NDUFAF2: variants seen among roughly 807,000 people sequenced by gnomAD.
NDUFAF2 encodes NADH:ubiquinone oxidoreductase complex assembly factor 2.
A neutral mutation model predicts 22.8 loss-of-function variants in NDUFAF2; 13 were observed. The ratio of observed to expected loss-of-function variants is 0.57; its 90% CI spans 0.37 to 0.91. NDUFAF2 has a LOEUF of 0.91. NDUFAF2 is among the 40% of genes least tolerant of loss of function. NDUFAF2 has a pLI of 0.01. For missense variants in NDUFAF2, 162 were observed against 195.2 expected (o/e 0.83, Z 1.01); for synonymous variants, 53 against 64.2 (o/e 0.83, Z 0.84).
chr5:61,032,000 T>C (rs1013215404), intron 1 of NDUFAF2, among the ~76,000 whole-genome samples: 3 of 152,200 alleles, frequency 2.0e-5, no homozygotes, highest in Admixed American at 1.3e-4. Flanking sequence ...TTTTTATATA[T>C]GTTTGTTGGC....
chr5:60,965,153 A>G (rs1353570603), intron 1 of NDUFAF2, among the ~76,000 whole-genome samples: 1 of 152,226 alleles, frequency 6.6e-6, no homozygotes, highest in Non-Finnish European at 1.5e-5. Flanking sequence ...TACAGAAGAC[A>G]GAAAAATTGT....
chr5:61,068,153 A>G (rs1489899777), intron 1 of NDUFAF2, among the ~76,000 whole-genome samples: 1 of 152,118 alleles, frequency 6.6e-6, no homozygotes, highest in Admixed American at 6.6e-5. Context: ...TTCCTCCCGG[A>G]TCTTGAAGTT....
At chr5:61,147,104 T>G (rs1741150896) in intron 3 of NDUFAF2, among the ~76,000 whole-genome samples, 1 of 151,938 alleles carries the variant, frequency 6.6e-6, no homozygotes, top group Non-Finnish European at 1.5e-5. Context: ...GACTGGTTTT[T>G]AGTCATCCTT....
chr5:61,103,710 TAA>T (rs1245778876), intron 3 of NDUFAF2, among the ~76,000 whole-genome samples: 1 of 152,144 alleles, frequency 6.6e-6, no homozygotes, highest in Non-Finnish European at 1.5e-5. Context: ...AATAATGTTG[TAA>T]AAGTAAACAT....
chr5:61,128,341 G>C (rs1288498768), intron 3 of NDUFAF2, among the ~76,000 whole-genome samples: 1 of 152,136 alleles, frequency 6.6e-6, no homozygotes, highest in East Asian at 1.9e-4. Flanking sequence ...ACATTATGAA[G>C]TCAATCCTAA....
intron 2 of NDUFAF2, among the ~76,000 whole-genome samples, chr5:61,096,012 CT>C: frequency 6.6e-6 from 1 of 152,208 alleles, no homozygotes; most frequent in East Asian, 1.9e-4. Flanking sequence ...ATCTAAGTAA[CT>C]TTAATTTGGG....
At chr5:61,147,445 T>TTTTTTTTTTTTTC (rs1741157947) in intron 3 of NDUFAF2, among the ~76,000 whole-genome samples, 1 of 138,262 alleles carries the variant, frequency 7.2e-6, no homozygotes, top group Non-Finnish European at 1.6e-5. Context: ...TTCTTTTTTT[T>TTTTTTTTTTTTTC]TTTTTTTTTG....
chr5:61,080,631 C>T (rs1043059486), intron 2 of NDUFAF2, among the ~76,000 whole-genome samples: 8 of 152,110 alleles, frequency 5.3e-5, no homozygotes, highest in African/African-American at 1.9e-4. Flanking sequence ...TTTTCATGAA[C>T]TTATTTGCCA....
At chr5:61,065,320 G>C (rs1752214568) in intron 1 of NDUFAF2, among the ~76,000 whole-genome samples, 1 of 152,030 alleles carries the variant, frequency 6.6e-6, no homozygotes, top group African/African-American at 2.4e-5. Context: ...CTGAAAAATA[G>C]AGCTTCAGAG....
chr5:60,955,406 T>A (rs896975014), intron 1 of NDUFAF2, among the ~76,000 whole-genome samples: 1 of 152,226 alleles, frequency 6.6e-6, no homozygotes, highest in Admixed American at 6.5e-5. Flanking sequence ...AGGTTCTGTC[T>A]TCTGTTCCAA....
chr5:60,980,482 A>G (rs995023481), intron 1 of NDUFAF2, among the ~76,000 whole-genome samples: 1 of 152,170 alleles, frequency 6.6e-6, no homozygotes, highest in Admixed American at 6.5e-5. Flanking sequence ...AATTAAAAAG[A>G]TCAAGCAGGG....
At chr5:60,966,256 A>G (rs900167636) in intron 1 of NDUFAF2, among the ~76,000 whole-genome samples, 1 of 152,058 alleles carries the variant, frequency 6.6e-6, no homozygotes, top group Non-Finnish European at 1.5e-5. Context: ...AGTTCCTTGT[A>G]TATTTTGGAT....
rs376747316 is a variant in NDUFAF2, at chr5:60,945,375, C to T, written c.120C>T (p.Asn40=). 24 of 1,614,198 alleles carry T rather than the reference C, an allele frequency of 1.5e-5. No individual in the cohort carries two copies. In the African/African-American group the frequency reaches 3.1e-4, roughly 21 times the overall value. The change falls in exon 1 of 4, where the codon AAC becomes AAT. Residue 40 remains asparagine (N), a synonymous_variant. Transcript: ENST00000296597. ...ACTACTACATCCCGCAGTACAAGAA[C>T]TGGAGAGGTGAGGTGGCGGCGTGGG... ...NKYYYIPQYK[N]WRGQTIREKR...
At chr5:60,990,563 C>T (rs1040569427) in intron 1 of NDUFAF2, among the ~76,000 whole-genome samples, 1 of 152,012 alleles carries the variant, frequency 6.6e-6, no homozygotes, top group African/African-American at 2.4e-5. Context: ...GTTGCCCAGG[C>T]TGGTCTTGAA....
chr5:61,086,160 G>T lies in NDUFAF2; in HGVS notation c.218-12832G>T, dbSNP rs1434564620. ...GAAGAAAAGAAAAATATGAAATATTGCTGAGAAAAATTAAAGAAGACTTAA... is the reference window on the plus strand; with the variant it reads ...GAAGAAAAGAAAAATATGAAATATTTCTGAGAAAAATTAAAGAAGACTTAA... On this transcript the variant is annotated intron_variant, in intron 2 of 3. Transcript: ENST00000296597. 4.6e-5 allele frequency among the ~76,000 whole-genome samples: 7 copies of T among 151,974 alleles called. No individual in the cohort carries two copies. In the East Asian group the frequency reaches 1.3e-3, roughly 29 times the overall value.
chr5:61,052,208 C>T (rs1752032778), intron 1 of NDUFAF2, among the ~76,000 whole-genome samples: 1 of 151,856 alleles, frequency 6.6e-6, no homozygotes, highest in Non-Finnish European at 1.5e-5. Flanking sequence ...AATTTATATT[C>T]CAAACAGTAT....
intron 1 of NDUFAF2, among the ~76,000 whole-genome samples, chr5:60,994,428 G>A (rs987764436): frequency 4.5e-4 from 69 of 152,278 alleles, no homozygotes; most frequent in African/African-American, 1.6e-3. Context: ...GGGAACTCCC[G>A]CTCCACCAAC....
At chr5:61,129,992 G>A (rs1215032079) in intron 3 of NDUFAF2, among the ~76,000 whole-genome samples, 1 of 151,944 alleles carries the variant, frequency 6.6e-6, no homozygotes, top group Non-Finnish European at 1.5e-5. Context: ...AGATAACTTA[G>A]TATAAAAGAA....
At chr5:60,996,814 A>C (rs145116357) in intron 1 of NDUFAF2, among the ~76,000 whole-genome samples, 1 of 152,172 alleles carries the variant, frequency 6.6e-6, no homozygotes, top group East Asian at 1.9e-4. Flanking sequence ...ACAGAAAAGC[A>C]CTGAGTTCTG....
Sources: gnomAD v4.1 joint callset for allele counts (sites outside exome capture counted in the v4.1 genomes callset) on GRCh38, gnomAD v4.1.1 for gene constraint, MANE v1.5 for transcripts, NCBI Gene and HGNC (gene_info 2026-07-23, HGNC 2026-07-21) for gene names.